The following RBFOX1 variants were observed in gnomAD, a reference collection of about 807,000 sequenced individuals.
RBFOX1 encodes RNA binding fox-1 homolog 1.
A neutral mutation model predicts 57.7 loss-of-function variants in RBFOX1; 8 were observed. The ratio of observed to expected loss-of-function variants is 0.14; its 90% CI spans 0.08 to 0.25. The LOEUF is 0.25. Among genes scored for constraint, RBFOX1 ranks in the 10% least tolerant of loss-of-function variants. RBFOX1 has a pLI of 1.00. For missense variants in RBFOX1, 611 were observed against 548.5 expected, an observed-to-expected ratio of 1.11 and a Z score of -1.14; for synonymous variants, 326 against 222.4, an observed-to-expected ratio of 1.47 and a Z score of -4.15.
At chr16:6,014,717 T>C (rs192304839), upstream of RBFOX1, among the ~76,000 whole-genome samples, 457 of 152,290 alleles carry the variant, frequency 3.0e-3, no homozygotes, top group Non-Finnish European at 3.5e-3. Flanking sequence ...GTAGGTCTTA[T>C]ATAATATTTA....
At chr16:6,150,133 A>G (rs989285954) in intron 1 of RBFOX1, among the ~76,000 whole-genome samples, 2 of 152,174 alleles carry the variant, frequency 1.3e-5, no homozygotes, top group Non-Finnish European at 2.9e-5. Flanking sequence ...ATGTGATGTT[A>G]GCAGCCTAGA....
chr16:6,316,876 C>A, intron 1 of RBFOX1, 119 bp from the exon 2 acceptor site: 1 of 674,260 alleles, frequency 1.5e-6, no homozygotes, highest in East Asian at 2.9e-5. Context: ...CTGTTAAATT[C>A]ACAATATAGT....
At chr16:5,454,903 T>TTCC (rs1567535228) in intron 1 of RBFOX1, among the ~76,000 whole-genome samples, 9 of 97,468 alleles carry the variant, frequency 9.2e-5, no homozygotes, top group East Asian at 6.3e-4. Flanking sequence ...TCTTTCTTTC[T>TTCC]TTCTTTCTTT....
At chr16:6,560,908 G>A (rs1293659853) in intron 2 of RBFOX1, among the ~76,000 whole-genome samples, 3 of 152,118 alleles carry the variant, frequency 2.0e-5, no homozygotes, top group Non-Finnish European at 4.4e-5. Context: ...ATGAATGCAG[G>A]CCACATCAAG....
At chr16:7,090,385 T>C (rs904299241) in intron 4 of RBFOX1, among the ~76,000 whole-genome samples, 3 of 152,152 alleles carry the variant, frequency 2.0e-5, no homozygotes, top group African/African-American at 7.2e-5. Context: ...GTGGGGTAGA[T>C]GGTATAGTCT....
At chr16:5,352,346 C>T (rs2065280509) in intron 1 of RBFOX1, among the ~76,000 whole-genome samples, 1 of 152,154 alleles carries the variant, frequency 6.6e-6, no homozygotes, top group Admixed American at 6.5e-5. Flanking sequence ...CAATTGCATT[C>T]CTAGGTATCT....
intron 4 of RBFOX1, among the ~76,000 whole-genome samples, chr16:7,434,209 C>G (rs754928053): frequency 6.6e-6 from 1 of 152,108 alleles, no homozygotes; most frequent in Non-Finnish European, 1.5e-5. Context: ...CGGTGGCTCA[C>G]GGCTATAATC....
intron 4 of RBFOX1, among the ~76,000 whole-genome samples, chr16:5,924,832 A>T (rs141349670): frequency 6.6e-6 from 1 of 152,224 alleles, no homozygotes; most frequent in Non-Finnish European, 1.5e-5. Flanking sequence ...CTTCCCAAGG[A>T]TGGACGTGAT....
intron 3 of RBFOX1, among the ~76,000 whole-genome samples, chr16:7,046,966 C>T (rs938082604): frequency 3.3e-5 from 5 of 151,436 alleles, no homozygotes; most frequent in African/African-American, 1.2e-4. Flanking sequence ...CATGCACTTC[C>T]CTCCCCCCCA....
intron 4 of RBFOX1, among the ~76,000 whole-genome samples, chr16:7,063,737 C>T (rs972608167): frequency 2.0e-5 from 3 of 152,196 alleles, no homozygotes; most frequent in Non-Finnish European, 2.9e-5. Flanking sequence ...TGGGTCTGCA[C>T]GGAACATGTG....
intron 3 of RBFOX1, among the ~76,000 whole-genome samples, chr16:6,877,026 TTTC>T (rs1462610344): frequency 1.3e-5 from 2 of 152,210 alleles, no homozygotes; most frequent in Admixed American, 1.3e-4. Context: ...TCTGCTATTG[TTTC>T]TTATTAAATA....
intron 2 of RBFOX1, among the ~76,000 whole-genome samples, chr16:5,546,289 A>G (rs550396307): frequency 2.6e-5 from 4 of 152,306 alleles, no homozygotes; most frequent in African/African-American, 9.6e-5. Flanking sequence ...AATCTCATCT[A>G]GGCTTTTTTG....
chr16:5,941,111 T>C (rs4786069), intron 4 of RBFOX1, among the ~76,000 whole-genome samples: 83,639 of 151,890 alleles, frequency 0.55, 23,598 homozygotes, highest in Middle Eastern at 0.69. Context: ...AGTAAAGTAG[T>C]TTAATAGCTT....
At chr16:6,808,097 G>T in intron 3 of RBFOX1, among the ~76,000 whole-genome samples, 1 of 145,936 alleles carries the variant, frequency 6.9e-6, no homozygotes, top group South Asian at 2.2e-4. Flanking sequence ...AATAGAACTA[G>T]ATATATATAG....
intron 3 of RBFOX1, among the ~76,000 whole-genome samples, chr16:5,755,684 C>T (rs748123002): frequency 5.9e-5 from 9 of 152,182 alleles, no homozygotes; most frequent in South Asian, 2.1e-4. Context: ...CTGCAGCCTC[C>T]GCCTACCAGG....
rs74004697 is a variant in RBFOX1 at position 5,903,384 on chromosome 16, A to T, written c.351+36049A>T. Among the ~76,000 whole-genome samples, 186 of 152,168 alleles carry T rather than the reference A, an allele frequency of 1.2e-3. 2 individuals carry two copies. Among genetic ancestry groups the T allele is most frequent in the African/African-American group, 4.3e-3 (180 of 41,508 alleles). On this transcript the variant is annotated intron_variant, in intron 4 of 19. Transcript: ENST00000641259. Reference sequence around the variant, plus strand: ...ATGCCTATTCTTCCTGACACTTCCTATTACTCAGTAGCAACATGACACAAA... The same window carrying T: ...ATGCCTATTCTTCCTGACACTTCCTTTTACTCAGTAGCAACATGACACAAA...
At position 7,081,843 on chromosome 16, in the gene RBFOX1, A is replaced by G. The variant is rs888800719; in HGVS notation, c.27+29745A>G. Among the ~76,000 whole-genome samples the G allele has an allele frequency of 5.9e-5, 9 of 152,336 alleles. No homozygotes were observed. In the East Asian group the frequency reaches 7.7e-4, roughly 13 times the overall value. ...TATTGATGAACTAATATGTTTAACC[A>G]TCTTCCTGTTGAGGTCAGTCTTTTT... On this transcript the variant is annotated intron_variant, in intron 4 of 15. Transcript: ENST00000550418.
intron 4 of RBFOX1, among the ~76,000 whole-genome samples, chr16:7,071,796 A>G (rs916531821): frequency 6.6e-6 from 1 of 152,040 alleles, no homozygotes; most frequent in African/African-American, 2.4e-5. Context: ...ATTCACACTC[A>G]TCATCTGTGT....
chr16:6,301,371 C>T (rs563690633), intron 1 of RBFOX1, among the ~76,000 whole-genome samples: 19 of 152,034 alleles, frequency 1.2e-4, no homozygotes, highest in African/African-American at 4.3e-4. Context: ...AGGATTTTGC[C>T]TTATTAGGAT....
Sources: gnomAD v4.1 joint callset for allele counts (sites outside exome capture counted in the v4.1 genomes callset) on GRCh38, gnomAD v4.1.1 for gene constraint, MANE v1.5 for transcripts, NCBI Gene and HGNC (gene_info 2026-07-23, HGNC 2026-07-21) for gene names.